TMEM232: variants seen among roughly 807,000 people sequenced by gnomAD.
TMEM232 encodes the protein transmembrane protein 232.
In TMEM232, 80 loss-of-function variants were observed where a neutral mutation model predicts 78.8. That is an observed-to-expected ratio of 1.01 (90% CI 0.85 to 1.22). TMEM232 has a LOEUF of 1.22. Among genes scored for constraint, TMEM232 ranks in the 50% most tolerant of loss-of-function variants. TMEM232 has a pLI of 0.00. For synonymous variants in TMEM232, 297 were observed against 254.3 expected, an observed-to-expected ratio of 1.17 and a Z score of -1.60; for missense variants, 881 against 742.2, an observed-to-expected ratio of 1.19 and a Z score of -2.17.
intron 12 of TMEM232, among the ~76,000 whole-genome samples, chr5:110,494,359 G>A (rs894537056): frequency 6.6e-6 from 1 of 152,004 alleles, no homozygotes; most frequent in Non-Finnish European, 1.5e-5. Context: ...ATAAGTATAT[G>A]AAAATAATGA....
intron 12 of TMEM232, among the ~76,000 whole-genome samples, chr5:110,480,732 A>G (rs1763769313): frequency 6.6e-6 from 1 of 152,092 alleles, no homozygotes; most frequent in South Asian, 2.1e-4. Flanking sequence ...AGATGTGAAT[A>G]GTGAGGGCAT....
At chr5:110,652,610 T>C (rs1788494472) in intron 2 of TMEM232, among the ~76,000 whole-genome samples, 1 of 152,198 alleles carries the variant, frequency 6.6e-6, no homozygotes, top group African/African-American at 2.4e-5. Flanking sequence ...AGTCCTTTAA[T>C]TGGTCTCCTA....
rs184294884 is a variant in TMEM232 at position 110,675,471 on chromosome 5, A to G, written c.-12-8107T>C. On this transcript the variant is annotated intron_variant, in intron 1 of 13. Coordinates refer to ENST00000455884, the MANE Select transcript of TMEM232 (RefSeq NM_001039763.4). ...AGCTGGGAAATACTGACTCCAGCCA[A>G]ATAACGACAAAGACGAAATTAAAAC... 2.6e-5 allele frequency among the ~76,000 whole-genome samples: 4 copies of G among 152,316 alleles called. No individual in the cohort carries two copies. In the East Asian group the frequency reaches 5.8e-4, roughly 22 times the overall value.
chr5:110,721,669 G>GTATATATATATA (rs749643657), intron 1 of TMEM232, among the ~76,000 whole-genome samples: 25 of 23,852 alleles, frequency 1.0e-3, no homozygotes, highest in Admixed American at 2.9e-3. Context: ...GTGTGTGTGT[G>GTATATATATATA]TGTGTATATA....
intron 12 of TMEM232, among the ~76,000 whole-genome samples, chr5:110,495,407 TC>T (rs577380959): frequency 6.2e-4 from 95 of 152,008 alleles, no homozygotes; most frequent in African/African-American, 1.8e-3. Flanking sequence ...CCCAGGTAGT[TC>T]TAATGTGCAA....
chr5:110,434,691 T>C (rs1024989279), intron 12 of TMEM232, among the ~76,000 whole-genome samples: 10 of 152,158 alleles, frequency 6.6e-5, no homozygotes, highest in African/African-American at 2.4e-4. Flanking sequence ...TGAACATAGA[T>C]AGAAAAATCC....
chr5:110,644,029 G>A (rs575351075), intron 2 of TMEM232, among the ~76,000 whole-genome samples: 5 of 151,924 alleles, frequency 3.3e-5, no homozygotes, highest in South Asian at 2.1e-4. Flanking sequence ...TTTGCATTGC[G>A]GATACAGTAG....
chr5:110,519,191 A>G (rs1406372507), intron 12 of TMEM232, among the ~76,000 whole-genome samples: 2 of 152,194 alleles, frequency 1.3e-5, no homozygotes, highest in Non-Finnish European at 2.9e-5. Flanking sequence ...AAAGATCTAA[A>G]TAGACTGATA....
At chr5:110,614,376 C>T (rs1782676119) in intron 8 of TMEM232, among the ~76,000 whole-genome samples, 1 of 151,962 alleles carries the variant, frequency 6.6e-6, no homozygotes, top group Non-Finnish European at 1.5e-5. Context: ...ATAAACTTGG[C>T]CTCAGTTTCT....
intron 1 of TMEM232, among the ~76,000 whole-genome samples, chr5:110,687,047 G>A (rs1424486752): frequency 6.6e-6 from 1 of 152,000 alleles, no homozygotes; most frequent in African/African-American, 2.4e-5. Context: ...TCCCAGATCA[G>A]GATGCCATTA....
chr5:110,629,528 T>G (rs1026981710), intron 5 of TMEM232, among the ~76,000 whole-genome samples: 1 of 152,142 alleles, frequency 6.6e-6, no homozygotes, highest in Non-Finnish European at 1.5e-5. Flanking sequence ...TCTTTGTTGT[T>G]TGACAACTCA....
chr5:110,738,439 C>G (rs2150401210), upstream of TMEM232, among the ~76,000 whole-genome samples: 1 of 152,252 alleles, frequency 6.6e-6, no homozygotes, highest in Non-Finnish European at 1.5e-5. Context: ...GGACAGTATT[C>G]GAGTACGTGG....
At chr5:110,505,222 G>A (rs1307231895) in intron 12 of TMEM232, among the ~76,000 whole-genome samples, 2 of 152,086 alleles carry the variant, frequency 1.3e-5, no homozygotes, top group African/African-American at 4.8e-5. Context: ...AATACAAGAA[G>A]GACACTGGAC....
At chr5:110,413,114 G>T (rs772974282) in intron 2 of TMEM232, among the ~76,000 whole-genome samples, 14 of 152,080 alleles carry the variant, frequency 9.2e-5, no homozygotes, top group Non-Finnish European at 1.6e-4. Context: ...TCAGTGGACT[G>T]GGAAAGCAGA....
chr5:110,697,168 G>C (rs1036314156), intron 1 of TMEM232, among the ~76,000 whole-genome samples: 13 of 152,010 alleles, frequency 8.6e-5, no homozygotes, highest in African/African-American at 3.1e-4. Context: ...TCTGATCTTT[G>C]ACAAACCTGA....
intron 12 of TMEM232, among the ~76,000 whole-genome samples, chr5:110,426,971 CAT>C (rs1757308848): frequency 6.6e-6 from 1 of 151,884 alleles, no homozygotes; most frequent in African/African-American, 2.4e-5. Flanking sequence ...ATGTAGGCAA[CAT>C]AATATCAAAA....
chr5:110,710,163 G>T (rs767277130), intron 1 of TMEM232, among the ~76,000 whole-genome samples: 1 of 152,032 alleles, frequency 6.6e-6, no homozygotes. Context: ...AGAAAATCTA[G>T]AGGAAGTAAA....
At chr5:110,608,588 T>A (rs1464244247) in intron 8 of TMEM232, among the ~76,000 whole-genome samples, 3 of 152,052 alleles carry the variant, frequency 2.0e-5, no homozygotes, top group African/African-American at 2.4e-5. Flanking sequence ...ATAGTCTCAT[T>A]GAACTATGGA....
chr5:110,416,074 T>C (rs1383085131), downstream of TMEM232, among the ~76,000 whole-genome samples: 1 of 152,192 alleles, frequency 6.6e-6, no homozygotes, highest in Non-Finnish European at 1.5e-5. Context: ...GTAACTTAAG[T>C]CATCAACAGA....
Sources: allele counts gnomAD v4.1 joint callset (sites outside exome capture counted in the v4.1 genomes callset), GRCh38; gene constraint gnomAD v4.1.1; transcripts MANE v1.5; gene names NCBI Gene and HGNC (gene_info 2026-07-23, HGNC 2026-07-21).